The following NTAQ1 variants were observed in gnomAD, a reference collection of about 807,000 sequenced individuals.
NTAQ1 encodes the protein N-terminal glutamine amidase 1.
Under a neutral mutation model 28.2 loss-of-function variants are expected in NTAQ1, and 21 were observed. The observed-to-expected ratio is 0.74, with a 90% confidence interval of 0.53 to 1.07. The LOEUF is 1.07. NTAQ1 is among the 50% of genes least tolerant of loss of function. NTAQ1 has a pLI of 0.00. For missense variants in NTAQ1, 264 were observed against 256.6 expected, an observed-to-expected ratio of 1.03 and a Z score of -0.20; for synonymous variants, 105 against 90.0, an observed-to-expected ratio of 1.17 and a Z score of -0.94.
At chr8:123,473,756 A>G (rs561565251), downstream of NTAQ1, among the ~76,000 whole-genome samples, 243 of 152,328 alleles carry the variant, frequency 1.6e-3, 1 homozygote, top group South Asian at 0.026. Flanking sequence ...CTGCTAGGTT[A>G]TAACAAAAGT....
intron 6 of NTAQ1, among the ~76,000 whole-genome samples, chr8:123,457,918 C>T (rs1815695165): frequency 6.6e-6 from 1 of 151,528 alleles, no homozygotes; most frequent in African/African-American, 2.4e-5. Context: ...CCTGTAGTCA[C>T]AGCTACTCGG....
rs1813318387 is a variant in NTAQ1, at chr8:123,416,806, A to G, written c.-44A>G. On this transcript the variant is annotated 5_prime_UTR_variant, in exon 1 of 6. Transcript: ENST00000287387. ...GCCCGCCCTTTCCTACGTCTGGTCC[A>G]GTCGGTCTTCCTCCGGCCCGGGCCC... is the stretch of plus-strand genomic sequence containing the variant. The G allele has an allele frequency of 6.6e-7, 1 of 1,506,168 alleles. No homozygotes were observed. Among genetic ancestry groups the G allele is most frequent in the East Asian group, 2.7e-5 (1 of 36,636 alleles). The allele number at this position is 1,506,168 out of a possible 1,614,324, so 93.3% of individuals were successfully genotyped here.
intron 1 of NTAQ1, among the ~76,000 whole-genome samples, chr8:123,422,404 C>G (rs896208215): frequency 2.0e-5 from 3 of 151,648 alleles, no homozygotes; most frequent in African/African-American, 7.3e-5. Flanking sequence ...GCCTCCCAAG[C>G]AACTGAAATT....
chr8:123,474,406 T>G (rs1039401209), downstream of NTAQ1, among the ~76,000 whole-genome samples: 3 of 152,248 alleles, frequency 2.0e-5, no homozygotes, highest in Admixed American at 6.5e-5. Context: ...TAAATTGAGA[T>G]AATACAATTT....
At chr8:123,461,728 C>A (rs563382475) in intron 6 of NTAQ1, among the ~76,000 whole-genome samples, 1 of 152,024 alleles carries the variant, frequency 6.6e-6, no homozygotes, top group East Asian at 1.9e-4. Flanking sequence ...TGTCTTTCAG[C>A]GAGTAGATGC....
At chr8:123,447,269 A>G (rs1194365905) in intron 6 of NTAQ1, among the ~76,000 whole-genome samples, 1 of 152,186 alleles carries the variant, frequency 6.6e-6, no homozygotes, top group Non-Finnish European at 1.5e-5. Context: ...ATACAACTAA[A>G]GAGCAGTGCT....
At chr8:123,437,370 T>C (rs770896277) in intron 5 of NTAQ1, 36 bp downstream of exon 5, 6 of 1,612,758 alleles carry the variant, frequency 3.7e-6, no homozygotes, top group East Asian at 2.2e-5. Context: ...GGGGTTCTGA[T>C]TGATCACATA....
chr8:123,469,470 A>G (rs1353281879), exon 7 of NTAQ1, among the ~76,000 whole-genome samples: 1 of 152,218 alleles, frequency 6.6e-6, no homozygotes, highest in Non-Finnish European at 1.5e-5. Flanking sequence ...TCCCACTGAT[A>G]ATGTGAACTT....
intron 3 of NTAQ1, chr8:123,435,670 C>A: frequency 7.3e-6 from 2 of 273,510 alleles, no homozygotes; most frequent in Non-Finnish European, 5.6e-6. Flanking sequence ...AGTTGGAGAC[C>A]AGCCTGGCCA....
chr8:123,444,366 A>G (rs573420877), downstream of NTAQ1, among the ~76,000 whole-genome samples: 99 of 152,098 alleles, frequency 6.5e-4, no homozygotes, highest in Non-Finnish European at 1.2e-3. Flanking sequence ...CACCTGGCTA[A>G]TTTTTGTATT....
intron 1 of NTAQ1, among the ~76,000 whole-genome samples, chr8:123,425,642 A>G (rs568844966): frequency 4.6e-5 from 7 of 152,040 alleles, no homozygotes; most frequent in Non-Finnish European, 8.8e-5. Flanking sequence ...AAGAGTGTCT[A>G]CTTCTGTAAG....
exon 7 of NTAQ1, among the ~76,000 whole-genome samples, chr8:123,468,278 G>A (rs750777058): frequency 6.6e-6 from 1 of 152,166 alleles, no homozygotes; most frequent in Non-Finnish European, 1.5e-5. Context: ...GTGTACAGTA[G>A]TGTTAAGTAT....
At chr8:123,438,485 G>A (rs11988802) in intron 5 of NTAQ1, among the ~76,000 whole-genome samples, 55,025 of 151,778 alleles carry the variant, frequency 0.36, 10,093 homozygotes, top group East Asian at 0.56. Context: ...GTGAAACTCC[G>A]TCTCTACTAA....
chr8:123,421,063 G>A (rs11991120), intron 1 of NTAQ1, among the ~76,000 whole-genome samples: 52,773 of 147,816 alleles, frequency 0.36, 9,179 homozygotes, highest in East Asian at 0.56. Context: ...GGGATTATAG[G>A]CATGAGCTGC....
chr8:123,429,861 C>T (rs1005613868), intron 2 of NTAQ1, 122 bp from the exon 3 acceptor site: 10 of 539,216 alleles, frequency 1.9e-5, no homozygotes, highest in African/African-American at 5.0e-5. Context: ...GCCTGGGTGA[C>T]AGAGCAGGAC....
Position 123,439,536 on chromosome 8 carries a change from T to TG in NTAQ1, c.509-1766dup, listed in dbSNP as rs534661256. ...TTTTTTTTTGTATTTTTAGTAGAGATGGGGTCTTACCGTGTTAGCCAGGAT... is the reference window on the plus strand; with the variant it reads ...TTTTTTTTTGTATTTTTAGTAGAGATGGGGGTCTTACCGTGTTAGCCAGGAT... On this transcript the variant is annotated intron_variant, in intron 5 of 5. Transcript: ENST00000287387. Among the ~76,000 whole-genome samples the TG allele has an allele frequency of 7.2e-3, 1,089 of 151,826 alleles. 13 individuals carry two copies. Among genetic ancestry groups the TG allele is most frequent in the African/African-American group, 0.024 (1,001 of 41,460 alleles).
downstream of NTAQ1, among the ~76,000 whole-genome samples, chr8:123,470,640 A>T (rs1299478668): frequency 1.3e-5 from 2 of 152,262 alleles, no homozygotes; most frequent in African/African-American, 2.4e-5. Context: ...AGTGCTGTGC[A>T]TGAAGTCCCA....
chr8:123,466,134 TTGTTC>T (rs963414909), intron 6 of NTAQ1, among the ~76,000 whole-genome samples: 2 of 152,158 alleles, frequency 1.3e-5, no homozygotes, highest in Non-Finnish European at 2.9e-5. Flanking sequence ...TGCTTCTCCC[TTGTTC>T]TGAGAATTAC....
chr8:123,467,529 C>T (rs1370979055), exon 7 of NTAQ1, among the ~76,000 whole-genome samples: 1 of 152,074 alleles, frequency 6.6e-6, no homozygotes. Context: ...AGTGTTTTAT[C>T]AATGTCTTTA....
Sources: gnomAD v4.1 joint callset for allele counts (sites outside exome capture counted in the v4.1 genomes callset) on GRCh38, gnomAD v4.1.1 for gene constraint, MANE v1.5 for transcripts, NCBI Gene and HGNC (gene_info 2026-07-23, HGNC 2026-07-21) for gene names.